PALS2: variants seen among roughly 807,000 people sequenced by gnomAD.
PALS2 encodes protein PALS2.
A neutral mutation model predicts 61.6 loss-of-function variants in PALS2; 27 were observed. That is an observed-to-expected ratio of 0.44 (90% CI 0.32 to 0.60). PALS2 has a LOEUF of 0.60. PALS2 is among the 20% of genes least tolerant of loss of function. The pLI is 0.05. For synonymous variants in PALS2, 236 were observed against 218.6 expected (o/e 1.08, Z -0.70); for missense variants, 554 against 639.4 (o/e 0.87, Z 1.44).
chr7:24,610,027 G>A (rs1343709272), intron 1 of PALS2, among the ~76,000 whole-genome samples: 2 of 152,068 alleles, frequency 1.3e-5, no homozygotes, highest in Non-Finnish European at 2.9e-5. Context: ...ACTTCCAGTG[G>A]TGTGTCCCCG....
At chr7:24,574,028 G>C (rs950738848) in intron 1 of PALS2, 1 of 152,288 alleles carries the variant, frequency 6.6e-6, no homozygotes, top group Non-Finnish European at 1.5e-5. Flanking sequence ...TCGCGGTGGA[G>C]CCTGAATGGA....
chr7:24,672,542 A>G (rs892246282), intron 9 of PALS2, among the ~76,000 whole-genome samples: 3 of 152,130 alleles, frequency 2.0e-5, no homozygotes, highest in South Asian at 2.1e-4. Context: ...CTTCCAGTCT[A>G]TGAGCATAGA....
chr7:24,624,119 TTTC>T, intron 2 of PALS2: 3 of 1,310,628 alleles, frequency 2.3e-6, no homozygotes, highest in Non-Finnish European at 3.0e-6. Context: ...AAGTACTGAT[TTTC>T]TTCTTTTGCA....
At chr7:24,597,281 G>GA (rs1783559539) in intron 1 of PALS2, 2 of 152,142 alleles carry the variant, frequency 1.3e-5, no homozygotes, top group South Asian at 4.1e-4. Context: ...AGAAAAGAAT[G>GA]AAAACCTGAG....
intron 1 of PALS2, among the ~76,000 whole-genome samples, chr7:24,621,735 AC>A (rs1784530293): frequency 6.6e-6 from 1 of 152,016 alleles, no homozygotes; most frequent in Non-Finnish European, 1.5e-5. Flanking sequence ...CTACAATCTG[AC>A]TTTTAACAGT....
At chr7:24,660,065 G>A (rs1444488784) in intron 5 of PALS2, among the ~76,000 whole-genome samples, 1 of 152,090 alleles carries the variant, frequency 6.6e-6, no homozygotes, top group South Asian at 2.1e-4. Context: ...CATCTTTTAG[G>A]ATCACTATCT....
At position 24,666,045 on chromosome 7, in the gene PALS2, G is replaced by C; in HGVS notation, c.908G>C (p.Ser303Thr). The part of the protein sequence containing the change: ...NSGPFCGTIS[S>T]KKKKKMMYLT... ...GGACCTTTTTGTGGAACTATAAGTA[G>C]CAAAAAAAAGAAAAAGATGATGTAT... The change falls in exon 8 of 12, where the codon AGC becomes ACC. Residue 303 changes from serine (S) to threonine (T), a missense_variant. Coordinates refer to ENST00000222644, the MANE Select transcript of PALS2 (RefSeq NM_001303037.2). 1 of 1,610,640 alleles carries C rather than the reference G, an allele frequency of 6.2e-7. No homozygotes were observed. The highest frequency in any genetic ancestry group is 8.5e-7 in the Non-Finnish European group (1 of 1,177,936).
chr7:24,686,795 T>A lies in PALS2; in HGVS notation c.1447-643T>A, dbSNP rs58408329. Among the ~76,000 whole-genome samples, 896 of 152,318 alleles carry A rather than the reference T, an allele frequency of 5.9e-3. 31 individuals carry two copies. In the East Asian group the frequency reaches 0.093, roughly 16 times the overall value. On this transcript the variant is annotated intron_variant, in intron 11 of 11. Transcript: ENST00000222644. ...AGGTATAGTGAAATTCAAAACACCA[T>A]CTTACGAAAAGCTTTACTTATGTAG...
At chr7:24,669,136 TA>T (rs1787176503) in intron 9 of PALS2, among the ~76,000 whole-genome samples, 1 of 152,220 alleles carries the variant, frequency 6.6e-6, no homozygotes, top group South Asian at 2.1e-4. Context: ...TGATAGCACA[TA>T]AGAGTGATTC....
At chr7:24,645,173 T>A (rs1293769346) in intron 3 of PALS2, among the ~76,000 whole-genome samples, 1 of 152,206 alleles carries the variant, frequency 6.6e-6, no homozygotes, top group South Asian at 2.1e-4. Flanking sequence ...TTGTTGTGAT[T>A]GCTTTTGATG....
intron 2 of PALS2, among the ~76,000 whole-genome samples, chr7:24,639,587 C>T (rs1418254180): frequency 4.0e-5 from 6 of 151,712 alleles, no homozygotes; most frequent in African/African-American, 1.5e-4. Flanking sequence ...CAGGTAGTGG[C>T]TTTTTATTCC....
rs1788517249 is a variant in PALS2 at position 24,692,391 on chromosome 7, G to A, written c.*4777G>A. On this transcript the variant is annotated 3_prime_UTR_variant, in exon 12 of 12. Coordinates refer to ENST00000222644, the MANE Select transcript of PALS2 (RefSeq NM_001303037.2). ...TATTCTACTTGTTAAGTAAGGCTAAGTTAATATTTGTCTTCGCCTTAAATT... is the reference window on the plus strand; with the variant it reads ...TATTCTACTTGTTAAGTAAGGCTAAATTAATATTTGTCTTCGCCTTAAATT... 6.6e-6 allele frequency: 1 copy of A among 152,124 alleles called. No individual in the cohort carries two copies. The highest frequency in any genetic ancestry group is 6.6e-5 in the Admixed American group (1 of 15,264). 9.4% of individuals were successfully genotyped at this position (152,124 alleles called of 1,614,324 possible).
At chr7:24,620,512 T>C (rs1021155764) in intron 1 of PALS2, among the ~76,000 whole-genome samples, 1 of 152,138 alleles carries the variant, frequency 6.6e-6, no homozygotes. Flanking sequence ...TAACAACTTA[T>C]GAAGATCTTT....
chr7:24,662,657 T>C lies in PALS2; in HGVS notation c.652-933T>C, dbSNP rs1248785590. Among the ~76,000 whole-genome samples, 3 of 150,734 alleles carry C rather than the reference T, an allele frequency of 2.0e-5. No individual in the cohort carries two copies. In the East Asian group the frequency reaches 5.8e-4, roughly 29 times the overall value. ...GGTGGCACACGCCTGTAATTTCAGC[T>C]ATTTGGGAGGCTGAGGCAGGAGAAT... On this transcript the variant is annotated intron_variant, in intron 5 of 11. Coordinates refer to ENST00000222644, the MANE Select transcript of PALS2 (RefSeq NM_001303037.2).
chr7:24,623,152 G>A (rs1291214677), intron 1 of PALS2, among the ~76,000 whole-genome samples: 2 of 150,842 alleles, frequency 1.3e-5, no homozygotes, highest in Non-Finnish European at 3.0e-5. Context: ...TTTAGTATCA[G>A]GGTAATTGGT....
In PALS2 at chr7:24,654,887, C is replaced by T. The variant is rs556548045; in HGVS notation, c.651+4175C>T. ...GAAAGAGACCTACACATACATATTA[C>T]TTTGATATGTGACAGAGATAATGTT... On this transcript the variant is annotated intron_variant, in intron 5 of 11. Transcript: ENST00000222644. 3.9e-5 allele frequency among the ~76,000 whole-genome samples: 6 copies of T among 152,192 alleles called. No homozygotes were observed. The South Asian group carries it at 1.2e-3, about 32-fold the overall frequency.
chr7:24,623,532 T>C, intron 1 of PALS2, 134 bp from the exon 2 acceptor site: 1 of 571,404 alleles, frequency 1.8e-6, no homozygotes, highest in Non-Finnish European at 3.0e-6. Context: ...TTTTTTAAAA[T>C]GTTATTTTTC....
At chr7:24,623,810 C>T in intron 2 of PALS2, 26 bp downstream of exon 2, 2 of 1,440,056 alleles carry the variant, frequency 1.4e-6, no homozygotes, top group Non-Finnish European at 1.9e-6. Context: ...CATAAGATTA[C>T]TGAATTATTT....
At chr7:24,649,443 C>G (rs1786024551) in intron 3 of PALS2, among the ~76,000 whole-genome samples, 169 bp from the exon 4 acceptor site, 1 of 151,964 alleles carries the variant, frequency 6.6e-6, no homozygotes, top group Admixed American at 6.6e-5. Context: ...ATTTTTATAT[C>G]TCTTAAAAAT....
Sources: allele counts gnomAD v4.1 joint callset (sites outside exome capture counted in the v4.1 genomes callset), GRCh38; gene constraint gnomAD v4.1.1; transcripts MANE v1.5; gene names NCBI Gene and HGNC (gene_info 2026-07-23, HGNC 2026-07-21).